GRIK4: variants seen among roughly 807,000 people sequenced by gnomAD.
The protein encoded by GRIK4 is glutamate ionotropic receptor kainate type subunit 4.
In GRIK4, 40 loss-of-function variants were observed where a neutral mutation model predicts 104.9. The ratio of observed to expected loss-of-function variants is 0.38; its 90% CI spans 0.30 to 0.50. The LOEUF is 0.50. GRIK4 is among the 20% of genes least tolerant of loss of function. GRIK4 has a pLI of 0.93. For synonymous variants in GRIK4, 485 were observed against 524.9 expected, an observed-to-expected ratio of 0.92 and a Z score of 1.04; for missense variants, 1,047 against 1,308.1, an observed-to-expected ratio of 0.80 and a Z score of 3.08.
intron 20 of GRIK4, 26 bp from the exon 21 acceptor site, chr11:120,985,878 G>C (rs1295316059): frequency 1.4e-5 from 21 of 1,549,646 alleles, no homozygotes; most frequent in African/African-American, 2.7e-5. Context: ...TGAGAGGCTG[G>C]GCCCTGACCT....
intron 4 of GRIK4, among the ~76,000 whole-genome samples, chr11:120,809,066 C>T (rs1230959947): frequency 6.6e-6 from 1 of 152,144 alleles, no homozygotes; most frequent in Non-Finnish European, 1.5e-5. Flanking sequence ...AAACCATCTG[C>T]GACACAGCCT....
chr11:120,866,385 C>G (rs1954412198), intron 9 of GRIK4, among the ~76,000 whole-genome samples: 1 of 152,194 alleles, frequency 6.6e-6, no homozygotes, highest in Non-Finnish European at 1.5e-5. Context: ...GTGCAAAGCA[C>G]CAGGCAGGGT....
At chr11:120,892,562 G>A (rs996688836) in intron 11 of GRIK4, among the ~76,000 whole-genome samples, 1 of 152,096 alleles carries the variant, frequency 6.6e-6, no homozygotes, top group African/African-American at 2.4e-5. Context: ...AGGTACTAAT[G>A]GGGGTCTCCT....
intron 4 of GRIK4, among the ~76,000 whole-genome samples, chr11:120,805,842 G>A (rs1471219184): frequency 6.6e-6 from 1 of 152,200 alleles, no homozygotes; most frequent in Non-Finnish European, 1.5e-5. Context: ...AGGAAGGGAG[G>A]AGGGGGACAG....
At chr11:120,922,012 A>C (rs1399767041) in intron 13 of GRIK4, among the ~76,000 whole-genome samples, 6 of 151,750 alleles carry the variant, frequency 4.0e-5, no homozygotes, top group Non-Finnish European at 7.4e-5. Flanking sequence ...GCAAGTGCCC[A>C]CCCCACCCAT....
At chr11:120,645,551 A>G (rs1001319797) in intron 1 of GRIK4, among the ~76,000 whole-genome samples, 1 of 152,130 alleles carries the variant, frequency 6.6e-6, no homozygotes, top group East Asian at 1.9e-4. Flanking sequence ...CTGCCTTCCT[A>G]TGGTTGGATC....
chr11:120,709,019 A>C (rs958813804), intron 3 of GRIK4, among the ~76,000 whole-genome samples: 2 of 152,116 alleles, frequency 1.3e-5, no homozygotes, highest in African/African-American at 4.8e-5. Flanking sequence ...AACTGTATGG[A>C]TGTGAGATGT....
rs577809159 is a variant in GRIK4 at position 120,766,200 on chromosome 11, G to A, written c.83-36493G>A. Among the ~76,000 whole-genome samples, 8 of 152,334 alleles carry A rather than the reference G, an allele frequency of 5.3e-5. No homozygotes were observed. In the South Asian group the frequency reaches 1.0e-3, roughly 20 times the overall value. The stretch of plus-strand genomic sequence containing the variant: ...AGTCTGCCTGCAGTGGCTTTGCAGC[G>A]CTGTGGTGTGCTCCACCCAGTCCAA... On this transcript the variant is annotated intron_variant, in intron 3 of 20. Coordinates refer to ENST00000527524, the MANE Select transcript of GRIK4 (RefSeq NM_014619.5).
At chr11:120,514,898 A>C (rs965410848) in intron 1 of GRIK4, 2 of 447,402 alleles carry the variant, frequency 4.5e-6, no homozygotes, top group Non-Finnish European at 4.5e-6. Flanking sequence ...TTGGCTGTTC[A>C]CCCTGAGTTA....
intron 5 of GRIK4, among the ~76,000 whole-genome samples, chr11:120,816,681 C>T (rs746260432): frequency 4.6e-5 from 7 of 152,094 alleles, no homozygotes; most frequent in Non-Finnish European, 1.0e-4. Flanking sequence ...GAGTCCCTGA[C>T]GCTTTGGGCA....
intron 2 of GRIK4, among the ~76,000 whole-genome samples, chr11:120,654,584 A>G (rs762306547): frequency 6.6e-6 from 1 of 152,034 alleles, no homozygotes; most frequent in Non-Finnish European, 1.5e-5. Flanking sequence ...GCTGGTCTCA[A>G]ACTCCTGACC....
At chr11:120,970,381 GTC>G (rs1444413476) in intron 19 of GRIK4, among the ~76,000 whole-genome samples, 1 of 152,154 alleles carries the variant, frequency 6.6e-6, no homozygotes, top group Non-Finnish European at 1.5e-5. Flanking sequence ...TCAGTTCCAA[GTC>G]TCTCTTCTCT....
chr11:120,867,389 G>A (rs576276294), intron 9 of GRIK4, among the ~76,000 whole-genome samples: 3 of 152,190 alleles, frequency 2.0e-5, no homozygotes, highest in Non-Finnish European at 1.5e-5. Context: ...ACCATCAAGC[G>A]TTCTACAAAA....
At chr11:120,852,280 T>C (rs566365772) in intron 8 of GRIK4, among the ~76,000 whole-genome samples, 2 of 152,336 alleles carry the variant, frequency 1.3e-5, no homozygotes, top group South Asian at 2.1e-4. Context: ...TGCCTTCCTC[T>C]TCCTGGAAGC....
chr11:120,976,180 T>C (rs2134779731), intron 19 of GRIK4, among the ~76,000 whole-genome samples: 1 of 152,280 alleles, frequency 6.6e-6, no homozygotes, highest in South Asian at 2.1e-4. Context: ...TTGAATGAGA[T>C]AGCAAATGAA....
intron 3 of GRIK4, among the ~76,000 whole-genome samples, chr11:120,766,065 C>G (rs1735304595): frequency 6.6e-6 from 1 of 152,220 alleles, no homozygotes. Flanking sequence ...CGCCCCTTCC[C>G]CCAGGTGCTC....
At chr11:120,742,574 G>A (rs371431325) in intron 3 of GRIK4, among the ~76,000 whole-genome samples, 5 of 151,320 alleles carry the variant, frequency 3.3e-5, no homozygotes, top group African/African-American at 1.2e-4. Flanking sequence ...CCGGACTGCA[G>A]TGGTGCTAAG....
At chr11:120,730,587 T>TC (rs56355110) in intron 3 of GRIK4, among the ~76,000 whole-genome samples, 3,021 of 152,036 alleles carry the variant, frequency 0.02, 89 homozygotes, top group African/African-American at 0.067. Flanking sequence ...AGTTTTTTTT[T>TC]CTATTTCCGT....
intron 1 of GRIK4, among the ~76,000 whole-genome samples, chr11:120,536,525 G>A (rs1232315924): frequency 6.6e-6 from 1 of 152,204 alleles, no homozygotes; most frequent in Non-Finnish European, 1.5e-5. Flanking sequence ...GGCCTGGAGA[G>A]AGGTCACATT....
Sources: gnomAD v4.1 joint callset for allele counts (sites outside exome capture counted in the v4.1 genomes callset) on GRCh38, gnomAD v4.1.1 for gene constraint, MANE v1.5 for transcripts, NCBI Gene and HGNC (gene_info 2026-07-23, HGNC 2026-07-21) for gene names.